NLK: variants seen among roughly 807,000 people sequenced by gnomAD.
NLK encodes the protein nemo like kinase, also known as serine/threonine-protein kinase NLK.
NLK carries 11 observed loss-of-function variants against 59.0 expected under a neutral mutation model. That is an observed-to-expected ratio of 0.19 (90% confidence interval 0.12 to 0.31). The LOEUF (loss-of-function observed/expected upper bound fraction) is 0.31. Among genes scored for constraint, NLK ranks in the 10% least tolerant of loss-of-function variants. The pLI is 1.00. For missense variants in NLK, 410 were observed against 661.1 expected (o/e 0.62, Z 4.16); for synonymous variants, 235 against 235.9 (o/e 1.00, Z 0.03).
Position 28,194,790 on chromosome 17 carries a change from A to C in NLK, c.*154A>C, listed in dbSNP as rs936759085. The C allele has an allele frequency of 4.6e-6, 2 of 437,690 alleles. No individual in the cohort carries two copies. Among genetic ancestry groups the C allele is most frequent in the African/African-American group, 4.0e-5 (2 of 49,838 alleles). The allele number at this position is 437,690 out of a possible 1,614,324, so 27.1% of individuals were successfully genotyped here. A position where few individuals can be genotyped will look rare whatever the true frequency, so the allele number is the denominator to read the frequency against. ...CTTGTATGATATGAATAATATTTAG[A>C]AATGTTACTAGACTTTTAATCTTGT... On this transcript the variant is annotated 3_prime_UTR_variant, in exon 11 of 11. Transcript: ENST00000407008.
intron 7 of NLK, among the ~76,000 whole-genome samples, chr17:28,173,520 G>A (rs1364416937): frequency 6.6e-6 from 1 of 152,148 alleles, no homozygotes; most frequent in Admixed American, 6.5e-5. Flanking sequence ...CAGAGCTTTT[G>A]TTGTCACAGG....
intron 1 of NLK, among the ~76,000 whole-genome samples, chr17:28,115,150 A>G (rs575674000): frequency 6.6e-6 from 1 of 152,338 alleles, no homozygotes; most frequent in South Asian, 2.1e-4. Context: ...AGAAGGTACT[A>G]CTGCTGGGAG....
chr17:28,179,587 A>G lies in NLK; in HGVS notation c.1150-5592A>G, dbSNP rs145500820. Among the ~76,000 whole-genome samples the G allele has an allele frequency of 1.8e-3, 280 of 152,178 alleles. 1 individual carries two copies. The highest frequency in any genetic ancestry group is 6.4e-3 in the African/African-American group (264 of 41,532). On this transcript the variant is annotated intron_variant, in intron 7 of 10. Transcript: ENST00000407008. ...CTCTACTAAAAATACAAAGAAAGTT[A>G]GCCAGGCATGGTGGCAGACACCTGT...
intron 2 of NLK, 21 bp from the exon 3 acceptor site, chr17:28,132,599 C>T: frequency 6.4e-7 from 1 of 1,568,978 alleles, no homozygotes; most frequent in Non-Finnish European, 8.7e-7. Context: ...CTAAATTTGA[C>T]TTTTTTTTTC....
At chr17:28,143,895 G>A (rs1907121836) in intron 3 of NLK, among the ~76,000 whole-genome samples, 1 of 152,202 alleles carries the variant, frequency 6.6e-6, no homozygotes, top group Admixed American at 6.5e-5. Flanking sequence ...CGTTTATTCA[G>A]CAGTGCCTTA....
intron 3 of NLK, among the ~76,000 whole-genome samples, chr17:28,146,108 AT>A (rs1034788446): frequency 1.4e-3 from 206 of 152,198 alleles, no homozygotes; most frequent in Non-Finnish European, 2.5e-3. Context: ...ACATTCATAC[AT>A]TTTGAAAAAG....
chr17:28,155,436 A>AC (rs771181539), intron 3 of NLK, among the ~76,000 whole-genome samples: 4 of 152,188 alleles, frequency 2.6e-5, no homozygotes, highest in Non-Finnish European at 5.9e-5. Flanking sequence ...CTGGTTATAT[A>AC]CCCAAAGGAT....
intron 7 of NLK, among the ~76,000 whole-genome samples, chr17:28,181,106 A>G (rs1246089953): frequency 6.6e-6 from 1 of 152,008 alleles, no homozygotes; most frequent in Non-Finnish European, 1.5e-5. Flanking sequence ...AATTTTTAAA[A>G]AAGTTAGTGA....
At chr17:28,107,335 T>C (rs1271851195) in intron 1 of NLK, among the ~76,000 whole-genome samples, 1 of 151,840 alleles carries the variant, frequency 6.6e-6, no homozygotes, top group East Asian at 1.9e-4. Flanking sequence ...CTCGGGAGGC[T>C]GAGGCAGGAG....
At chr17:28,058,456 T>C (rs1256685421) in intron 1 of NLK, among the ~76,000 whole-genome samples, 3 of 152,224 alleles carry the variant, frequency 2.0e-5, no homozygotes, top group Non-Finnish European at 2.9e-5. Flanking sequence ...ATGTAAGTGC[T>C]TATAACCACT....
At chr17:28,128,778 A>G (rs1411726993) in intron 2 of NLK, among the ~76,000 whole-genome samples, 1 of 152,210 alleles carries the variant, frequency 6.6e-6, no homozygotes, top group Non-Finnish European at 1.5e-5. Flanking sequence ...CACCTACCCA[A>G]TGACCCAGCA....
chr17:28,109,022 G>C (rs1019688733), intron 1 of NLK, among the ~76,000 whole-genome samples: 2 of 151,866 alleles, frequency 1.3e-5, no homozygotes, highest in African/African-American at 4.8e-5. Flanking sequence ...TACAAAAAAA[G>C]TAGCCGGGCA....
intron 6 of NLK, among the ~76,000 whole-genome samples, chr17:28,169,095 A>G (rs1908359706): frequency 6.6e-6 from 1 of 152,118 alleles, no homozygotes; most frequent in Non-Finnish European, 1.5e-5. Flanking sequence ...TGTATTGGCC[A>G]GGCTGGTCTC....
At chr17:28,163,656 G>A (rs1363111790) in intron 5 of NLK, 28 bp downstream of exon 5, 2 of 1,328,536 alleles carry the variant, frequency 1.5e-6, no homozygotes, top group Non-Finnish European at 2.1e-6. Flanking sequence ...TTAAATACCT[G>A]GGAAAAATCA....
At chr17:28,156,355 CAGAT>C (rs1475935467) in intron 3 of NLK, among the ~76,000 whole-genome samples, 1 of 152,138 alleles carries the variant, frequency 6.6e-6, no homozygotes, top group African/African-American at 2.4e-5. Flanking sequence ...GAATTTCTAA[CAGAT>C]AAGTACCTTG....
intron 1 of NLK, among the ~76,000 whole-genome samples, chr17:28,046,499 T>C (rs1431482411): frequency 2.0e-5 from 3 of 152,206 alleles, no homozygotes; most frequent in Non-Finnish European, 4.4e-5. Context: ...TGACCTTCTT[T>C]TTGAGACATT....
At chr17:28,082,484 T>C (rs1910383024) in intron 1 of NLK, among the ~76,000 whole-genome samples, 1 of 152,200 alleles carries the variant, frequency 6.6e-6, no homozygotes, top group East Asian at 1.9e-4. Context: ...TCTGCTAATA[T>C]GTTCATCCCC....
chr17:28,063,357 C>T (rs1186215776), intron 1 of NLK, among the ~76,000 whole-genome samples: 2 of 152,100 alleles, frequency 1.3e-5, no homozygotes, highest in Non-Finnish European at 2.9e-5. Flanking sequence ...TTGGATACTT[C>T]AGTTTATAGT....
intron 1 of NLK, among the ~76,000 whole-genome samples, chr17:28,088,420 C>G (rs1014087388): frequency 3.9e-5 from 6 of 152,164 alleles, no homozygotes; most frequent in African/African-American, 1.4e-4. Context: ...AGTGAAACTT[C>G]ATTTTCTATT....
Sources: gnomAD v4.1 joint callset for allele counts (sites outside exome capture counted in the v4.1 genomes callset) on GRCh38, gnomAD v4.1.1 for gene constraint, MANE v1.5 for transcripts, NCBI Gene and HGNC (gene_info 2026-07-23, HGNC 2026-07-21) for gene names.